The following CDK15 variants were observed in gnomAD, a reference collection of about 807,000 sequenced individuals.
The protein encoded by CDK15 is cyclin-dependent kinase 15.
In CDK15, 62 loss-of-function variants were observed where a neutral mutation model predicts 60.3. The ratio of observed to expected loss-of-function variants is 1.03; its 90% CI spans 0.84 to 1.27. The LOEUF is 1.27. CDK15 is among the 50% of genes most tolerant of loss of function. The pLI is 0.00. For missense variants in CDK15, 541 were observed against 527.8 expected (o/e 1.03, Z -0.25); for synonymous variants, 194 against 195.7 (o/e 0.99, Z 0.07).
At chr2:201,860,113 G>C (rs1679248673) in intron 10 of CDK15, among the ~76,000 whole-genome samples, 1 of 152,166 alleles carries the variant, frequency 6.6e-6, no homozygotes, top group Non-Finnish European at 1.5e-5. Flanking sequence ...TCATAGCTCT[G>C]TTTGCTTCCT....
chr2:201,812,544 T>C lies in CDK15; in HGVS notation c.430T>C (p.Phe144Leu), dbSNP rs1478949554. 1 of 1,612,676 alleles carries C rather than the reference T, an allele frequency of 6.2e-7. No individual in the cohort carries two copies. Among genetic ancestry groups the C allele is most frequent in the Admixed American group, 1.7e-5 (1 of 59,988 alleles). ...ISMNAEEGVP[F>L]TAIREASLLK... ...CATGAATGCAGAGGAAGGAGTCCCA[T>C]TTACAGCTATCCGAGAAGGTAAGAA... Residue 144 changes from phenylalanine to leucine, a missense_variant, in exon 4 of 14, where the codon TTT (phenylalanine) becomes CTT (leucine). By Grantham distance (22) the Phe-to-Leu change is conservative. Coordinates refer to ENST00000652192, the MANE Select transcript of CDK15 (RefSeq NM_001366386.2).
At chr2:201,871,559 A>G (rs1311889253) in intron 10 of CDK15, among the ~76,000 whole-genome samples, 1 of 151,930 alleles carries the variant, frequency 6.6e-6, no homozygotes, top group Non-Finnish European at 1.5e-5. Flanking sequence ...TAAGCTCTGC[A>G]GAGGTAGTGG....
intron 9 of CDK15, among the ~76,000 whole-genome samples, chr2:201,850,708 C>A (rs1229766059): frequency 6.6e-6 from 1 of 152,132 alleles, no homozygotes; most frequent in East Asian, 1.9e-4. Context: ...TTTTGAGGAA[C>A]CTCCATACCA....
intron 10 of CDK15, among the ~76,000 whole-genome samples, chr2:201,864,941 A>G (rs565403834): frequency 1.3e-5 from 2 of 152,162 alleles, no homozygotes; most frequent in Non-Finnish European, 2.9e-5. Context: ...CCCAAAGGAG[A>G]GAGTGTAGAG....
At chr2:201,865,119 G>C (rs1023136700) in intron 10 of CDK15, among the ~76,000 whole-genome samples, 3 of 152,196 alleles carry the variant, frequency 2.0e-5, no homozygotes. Flanking sequence ...CACTGGAAGA[G>C]GGCTGGGTTC....
chr2:201,863,473 G>A (rs1698480065), intron 10 of CDK15, among the ~76,000 whole-genome samples: 1 of 151,998 alleles, frequency 6.6e-6, no homozygotes, highest in African/African-American at 2.4e-5. Flanking sequence ...CTGCCTCAAG[G>A]TGCCAAATAA....
At chr2:201,887,634 C>T (rs561665685) in intron 12 of CDK15, among the ~76,000 whole-genome samples, 3 of 152,086 alleles carry the variant, frequency 2.0e-5, no homozygotes, top group African/African-American at 7.2e-5. Flanking sequence ...TTCTAACTCA[C>T]CGAATGCAAG....
intron 4 of CDK15, among the ~76,000 whole-genome samples, chr2:201,820,530 A>C (rs1696174037): frequency 6.6e-6 from 1 of 152,176 alleles, no homozygotes; most frequent in East Asian, 1.9e-4. Context: ...TTCCTAAGGA[A>C]TGAATTGAGA....
chr2:201,877,017 T>C (rs1001636450), intron 11 of CDK15, among the ~76,000 whole-genome samples: 4 of 152,002 alleles, frequency 2.6e-5, no homozygotes, highest in African/African-American at 9.7e-5. Context: ...AGGCTGGTCT[T>C]GAACTCCTGG....
At chr2:201,836,044 T>C (rs1209517938) in intron 8 of CDK15, among the ~76,000 whole-genome samples, 3 of 92,972 alleles carry the variant, frequency 3.2e-5, no homozygotes, top group Non-Finnish European at 4.2e-5. Flanking sequence ...ATTTTATATA[T>C]ATTTATATAT....
chr2:201,859,201 T>C (rs1698278446), intron 10 of CDK15, among the ~76,000 whole-genome samples: 1 of 152,074 alleles, frequency 6.6e-6, no homozygotes, highest in Non-Finnish European at 1.5e-5. Context: ...TTGGAAGAGT[T>C]TAAAGCCCCA....
chr2:201,852,255 A>G (rs1027627027), intron 9 of CDK15, among the ~76,000 whole-genome samples: 1 of 152,244 alleles, frequency 6.6e-6, no homozygotes, highest in Admixed American at 6.5e-5. Flanking sequence ...GGAAAGCTAC[A>G]CTTCAGAATC....
chr2:201,861,080 G>C (rs1199949889), intron 10 of CDK15: 1 of 1,072,270 alleles, frequency 9.3e-7, no homozygotes, highest in Admixed American at 4.7e-5. Context: ...GAAAGATATT[G>C]ATAAAAGAGG....
chr2:201,835,296 C>A (rs1185076136), intron 7 of CDK15, among the ~76,000 whole-genome samples: 3 of 152,164 alleles, frequency 2.0e-5, no homozygotes, highest in Non-Finnish European at 4.4e-5. Context: ...ACTTCCTGCT[C>A]ATCACAGCCC....
At chr2:201,836,154 T>A (rs1214263617) in intron 8 of CDK15, among the ~76,000 whole-genome samples, 46 of 20,752 alleles carry the variant, frequency 2.2e-3, no homozygotes, top group South Asian at 6.9e-3. Flanking sequence ...TATATATATT[T>A]TATATATTTA....
chr2:201,819,618 A>C (rs948277957), intron 4 of CDK15, among the ~76,000 whole-genome samples: 2 of 152,216 alleles, frequency 1.3e-5, no homozygotes, highest in African/African-American at 4.8e-5. Context: ...GGCATTTGCA[A>C]TAATTCAGCC....
At chr2:201,812,595 G>GT (rs756986606) in intron 4 of CDK15, 33 bp downstream of exon 4, 19 of 1,453,552 alleles carry the variant, frequency 1.3e-5, no homozygotes, top group Non-Finnish European at 1.6e-5. Context: ...CAATAGATCT[G>GT]TTTTGAGTCC....
At chr2:201,889,797 C>A (rs1044861505) in intron 12 of CDK15, among the ~76,000 whole-genome samples, 7 of 151,974 alleles carry the variant, frequency 4.6e-5, no homozygotes, top group Non-Finnish European at 8.8e-5. Flanking sequence ...TGCCTATGAT[C>A]CCAGCACTTT....
chr2:201,814,123 C>T (rs2106156717), intron 4 of CDK15, among the ~76,000 whole-genome samples: 1 of 152,270 alleles, frequency 6.6e-6, no homozygotes. Context: ...TAGATATTGC[C>T]CACAGCCAAG....
Sources: allele counts gnomAD v4.1 joint callset (sites outside exome capture counted in the v4.1 genomes callset), GRCh38; gene constraint gnomAD v4.1.1; transcripts MANE v1.5; gene names NCBI Gene and HGNC (gene_info 2026-07-23, HGNC 2026-07-21).